Variants in KLHL3 observed in about 807,000 individuals in gnomAD.
KLHL3 encodes the protein kelch like family member 3.
Under a neutral mutation model 70.5 loss-of-function variants are expected in KLHL3, and 19 were observed. That is an observed-to-expected ratio of 0.27 (90% confidence interval 0.19 to 0.40). KLHL3 has a LOEUF of 0.40. Ranked by LOEUF, KLHL3 falls within the 10% of genes least tolerant of loss-of-function variation. The pLI is 1.00. For missense variants in KLHL3, 512 were observed against 771.1 expected (o/e 0.66, Z 3.98); for synonymous variants, 258 against 290.3 (o/e 0.89, Z 1.13).
At chr5:137,656,464 T>C (rs3798139) in intron 8 of KLHL3, among the ~76,000 whole-genome samples, 54,267 of 152,146 alleles carry the variant, frequency 0.36, 10,481 homozygotes, top group East Asian at 0.61. Context: ...TGAAAGAAAA[T>C]TTTCCAAATA....
intron 5 of KLHL3, among the ~76,000 whole-genome samples, chr5:137,686,688 C>A (rs1236383994): frequency 2.6e-5 from 4 of 152,140 alleles, no homozygotes; most frequent in Admixed American, 2.6e-4. Context: ...TGGTAGAGAA[C>A]CCCAGGCTCC....
intron 3 of KLHL3, among the ~76,000 whole-genome samples, chr5:137,704,632 T>C (rs1376768550): frequency 6.6e-6 from 1 of 152,182 alleles, no homozygotes; most frequent in Non-Finnish European, 1.5e-5. Context: ...CAAACAAGTC[T>C]ACCTCAGACC....
chr5:137,678,977 A>G (rs942827392), intron 5 of KLHL3, among the ~76,000 whole-genome samples: 2 of 151,900 alleles, frequency 1.3e-5, no homozygotes, highest in Non-Finnish European at 2.9e-5. Flanking sequence ...CAACATCAAC[A>G]TGGTAAGAAG....
At position 137,677,252 on chromosome 5, in the gene KLHL3, G is replaced by C. The variant is rs1751906185; in HGVS notation, c.636+293C>G. On this transcript the variant is annotated intron_variant, in intron 6 of 14. Transcript: ENST00000309755. The stretch of plus-strand genomic sequence containing the variant: ...GCCTGAGGTCAGGAGTTCAAGACCA[G>C]TCTGGTCAACATGGTGAAACCCTGT... Among the ~76,000 whole-genome samples the C allele has an allele frequency of 7.9e-5, 12 of 152,080 alleles. 1 individual carries two copies. Among genetic ancestry groups the C allele is most frequent in the Admixed American group, 7.9e-4 (12 of 15,270 alleles).
intron 1 of KLHL3, among the ~76,000 whole-genome samples, chr5:137,732,153 A>G (rs1371889088): frequency 6.6e-6 from 1 of 152,170 alleles, no homozygotes; most frequent in African/African-American, 2.4e-5. Flanking sequence ...GCCATTTCTG[A>G]TATCTATCTT....
Position 137,633,306 on chromosome 5 carries a change from TA to T in KLHL3, c.1450+730del, listed in dbSNP as rs1316347862. Among the ~76,000 whole-genome samples, 188 of 127,810 alleles carry T rather than the reference TA, an allele frequency of 1.5e-3. 1 individual carries two copies. The highest frequency in any genetic ancestry group is 8.1e-3 in the Middle Eastern group (2 of 246). The allele number at this position is 127,810 out of a possible 152,430, so 83.8% of individuals were successfully genotyped here. A position where few individuals can be genotyped will look rare whatever the true frequency, so the allele number is the denominator to read the frequency against. ...AAAAAAAAAAAAAAAAAAAAAAGTT[TA>T]AAAAAAAAAAGACTTTAGCATGGTT... is the stretch of plus-strand genomic sequence containing the variant. On this transcript the variant is annotated intron_variant, in intron 12 of 14. Transcript: ENST00000309755.
At chr5:137,690,313 C>T (rs1160631134) in intron 5 of KLHL3, among the ~76,000 whole-genome samples, 4 of 130,456 alleles carry the variant, frequency 3.1e-5, no homozygotes, top group Non-Finnish European at 3.2e-5. Flanking sequence ...GGCGACAGAG[C>T]GAGACTCCAT....
chr5:137,710,175 C>A (rs914060782), intron 2 of KLHL3, among the ~76,000 whole-genome samples: 2 of 152,080 alleles, frequency 1.3e-5, no homozygotes, highest in African/African-American at 4.8e-5. Flanking sequence ...AGGGGTTTTG[C>A]GGCTCAGGGA....
At chr5:137,679,562 C>T (rs1335261000) in intron 5 of KLHL3, among the ~76,000 whole-genome samples, 5 of 152,162 alleles carry the variant, frequency 3.3e-5, no homozygotes, top group African/African-American at 4.8e-5. Context: ...GCTCGTAAGA[C>T]TGTAGATAGG....
At chr5:137,664,976 C>A (rs934924811) in intron 6 of KLHL3, among the ~76,000 whole-genome samples, 1 of 152,088 alleles carries the variant, frequency 6.6e-6, no homozygotes, top group Non-Finnish European at 1.5e-5. Context: ...TTTACCACCA[C>A]CCATAAGAGG....
intron 1 of KLHL3, among the ~76,000 whole-genome samples, chr5:137,733,819 T>C (rs549841395): frequency 9.9e-5 from 15 of 152,110 alleles, no homozygotes; most frequent in African/African-American, 3.6e-4. Context: ...GAGTGAGCAG[T>C]GGAAATGGGA....
intron 3 of KLHL3, among the ~76,000 whole-genome samples, chr5:137,699,633 C>T (rs1200608988): frequency 2.0e-5 from 3 of 152,200 alleles, no homozygotes; most frequent in Admixed American, 1.3e-4. Flanking sequence ...CTTCAGCCTG[C>T]ACTCTATATA....
At chr5:137,732,935 AG>A (rs1040945906) in intron 1 of KLHL3, among the ~76,000 whole-genome samples, 4 of 152,356 alleles carry the variant, frequency 2.6e-5, no homozygotes, top group South Asian at 2.1e-4. Flanking sequence ...ATTCACCGCT[AG>A]GTCTATGTTA....
rs554048189 is a variant in KLHL3 at position 137,620,515 on chromosome 5, G to A, written c.*1583C>T. On this transcript the variant is annotated 3_prime_UTR_variant, in exon 15 of 15. Transcript: ENST00000309755. ...CCTGTAGGTGGATTCTCAAAGTAGG[G>A]AGGGTGTCCCAGACTGCAAGGTATG... is the stretch of plus-strand genomic sequence containing the variant. 9.2e-5 allele frequency: 14 copies of A among 152,284 alleles called. No individual in the cohort carries two copies. The South Asian group carries it at 2.7e-3, about 29-fold the overall frequency. The allele number at this position is 152,284 out of a possible 1,614,324, so 9.4% of individuals were successfully genotyped here.
intron 13 of KLHL3, among the ~76,000 whole-genome samples, chr5:137,626,969 C>T (rs1750477543): frequency 6.6e-6 from 1 of 151,394 alleles, no homozygotes; most frequent in Admixed American, 6.6e-5. Flanking sequence ...CCACTACAAT[C>T]TAGCCTGAGA....
At chr5:137,623,989 T>C (rs1256571260) in intron 14 of KLHL3, among the ~76,000 whole-genome samples, 1 of 152,216 alleles carries the variant, frequency 6.6e-6, no homozygotes, top group Admixed American at 6.5e-5. Context: ...TTCACAAGGT[T>C]CATACAACTT....
At chr5:137,686,248 T>C (rs973102454) in intron 5 of KLHL3, among the ~76,000 whole-genome samples, 1 of 152,170 alleles carries the variant, frequency 6.6e-6, no homozygotes, top group Non-Finnish European at 1.5e-5. Context: ...AGCAGTGACC[T>C]GAGGATTCCT....
chr5:137,717,087 A>G (rs1752908297), intron 2 of KLHL3, among the ~76,000 whole-genome samples: 1 of 152,250 alleles, frequency 6.6e-6, no homozygotes, highest in Non-Finnish European at 1.5e-5. Flanking sequence ...ATTTTGTCCT[A>G]TCTCTGCCAG....
intron 6 of KLHL3, among the ~76,000 whole-genome samples, chr5:137,671,314 T>C (rs964151614): frequency 1.3e-5 from 2 of 152,200 alleles, no homozygotes; most frequent in Non-Finnish European, 2.9e-5. Flanking sequence ...TTTTCCATGA[T>C]GTCTTTCCTA....
Sources: gnomAD v4.1 joint callset for allele counts (sites outside exome capture counted in the v4.1 genomes callset) on GRCh38, gnomAD v4.1.1 for gene constraint, MANE v1.5 for transcripts, NCBI Gene and HGNC (gene_info 2026-07-23, HGNC 2026-07-21) for gene names.